Variants in AFAP1L1 observed in about 807,000 individuals in gnomAD.
AFAP1L1 encodes the protein actin filament-associated protein 1-like 1.
In AFAP1L1, 77 loss-of-function variants were observed where a neutral mutation model predicts 99.8. That is an observed-to-expected ratio of 0.77 (90% CI 0.64 to 0.93). The LOEUF (loss-of-function observed/expected upper bound fraction) is 0.93. AFAP1L1 is among the 40% of genes least tolerant of loss of function. The pLI is 0.00. For synonymous variants in AFAP1L1, 373 were observed against 395.3 expected (o/e 0.94, Z 0.67); for missense variants, 893 against 996.8 (o/e 0.90, Z 1.40).
chr5:149,334,432 G>C (rs1157423154), intron 17 of AFAP1L1, among the ~76,000 whole-genome samples: 1 of 152,160 alleles, frequency 6.6e-6, no homozygotes. Flanking sequence ...CTGGGTTTTG[G>C]ATCCTTTTAA....
At chr5:149,304,857 G>A (rs1025371094) in intron 5 of AFAP1L1, among the ~76,000 whole-genome samples, 3 of 152,208 alleles carry the variant, frequency 2.0e-5, no homozygotes, top group African/African-American at 4.8e-5. Flanking sequence ...CAGTGCTGCC[G>A]TCTTCAGGAA....
chr5:149,295,093 T>A (rs2127592759), intron 1 of AFAP1L1, among the ~76,000 whole-genome samples: 1 of 152,330 alleles, frequency 6.6e-6, no homozygotes, highest in African/African-American at 2.4e-5. Flanking sequence ...CTTTGCCCCA[T>A]GGTTCCCCTC....
intron 6 of AFAP1L1, among the ~76,000 whole-genome samples, chr5:149,306,961 G>C (rs1756434060): frequency 6.6e-6 from 1 of 152,096 alleles, no homozygotes; most frequent in African/African-American, 2.4e-5. Context: ...CAAAAGTAGG[G>C]GCCAGCCAGG....
chr5:149,302,713 G>A, intron 5 of AFAP1L1, 187 bp downstream of exon 5: 1 of 505,960 alleles, frequency 2.0e-6, no homozygotes, highest in South Asian at 3.2e-5. Flanking sequence ...GGACCAATAT[G>A]TGGGGCCCCA....
At chr5:149,308,225 T>G (rs182071590) in intron 7 of AFAP1L1, among the ~76,000 whole-genome samples, 7 of 152,346 alleles carry the variant, frequency 4.6e-5, no homozygotes, top group Admixed American at 4.6e-4. Flanking sequence ...TTAATCACTT[T>G]TAAATTTTTG....
intron 14 of AFAP1L1, among the ~76,000 whole-genome samples, chr5:149,321,693 A>C (rs942855611): frequency 7.2e-6 from 1 of 139,588 alleles, no homozygotes; most frequent in East Asian, 2.1e-4. Flanking sequence ...ACTGAACTCC[A>C]GCCTGGGCAA....
In AFAP1L1 at chr5:149,274,849, C is replaced by T. The variant is rs561904314; in HGVS notation, c.16+2865C>T. Among the ~76,000 whole-genome samples, 10 of 149,110 alleles carry T rather than the reference C, an allele frequency of 6.7e-5. No individual in the cohort carries two copies. The South Asian group carries it at 2.1e-3, about 32-fold the overall frequency. ...GCAGTGAGCCGAGATCGAGCCATTG[C>T]ACTCCAGCCTGGGCGACACAGCAAG... is the stretch of plus-strand genomic sequence containing the variant. On this transcript the variant is annotated intron_variant, in intron 1 of 18. Coordinates refer to ENST00000296721, the MANE Select transcript of AFAP1L1 (RefSeq NM_152406.4).
At chr5:149,289,324 C>T (rs1250383302) in intron 1 of AFAP1L1, among the ~76,000 whole-genome samples, 1 of 152,152 alleles carries the variant, frequency 6.6e-6, no homozygotes, top group African/African-American at 2.4e-5. Context: ...ATTCAGTTTC[C>T]TGCAATCGCT....
intron 1 of AFAP1L1, among the ~76,000 whole-genome samples, chr5:149,275,977 G>A (rs533249768): frequency 6.6e-6 from 1 of 152,192 alleles, no homozygotes; most frequent in East Asian, 1.9e-4. Context: ...ATAACAACAA[G>A]CTTAGGTCAC....
intron 1 of AFAP1L1, among the ~76,000 whole-genome samples, chr5:149,280,195 C>T (rs1218007410): frequency 1.3e-5 from 2 of 152,224 alleles, no homozygotes; most frequent in African/African-American, 4.8e-5. Flanking sequence ...CATCATTATC[C>T]ATCATTTCCT....
intron 1 of AFAP1L1, among the ~76,000 whole-genome samples, chr5:149,272,462 G>C (rs1052572971): frequency 6.6e-6 from 1 of 152,154 alleles, no homozygotes; most frequent in Non-Finnish European, 1.5e-5. Flanking sequence ...GTGCATGCAT[G>C]TGTGCGCCAG....
chr5:149,278,228 AT>A (rs1354413500), intron 1 of AFAP1L1, among the ~76,000 whole-genome samples: 1 of 151,972 alleles, frequency 6.6e-6, no homozygotes, highest in Non-Finnish European at 1.5e-5. Context: ...AAACCCCAGC[AT>A]TTTCCTCCTT....
intron 15 of AFAP1L1, among the ~76,000 whole-genome samples, chr5:149,323,260 A>G (rs992527359): frequency 1.3e-5 from 2 of 152,174 alleles, no homozygotes; most frequent in Non-Finnish European, 2.9e-5. Context: ...CTATCCAAAT[A>G]CCCTGGAGCC....
At chr5:149,335,844 A>G in intron 18 of AFAP1L1, 122 bp downstream of exon 18, 1 of 1,342,386 alleles carries the variant, frequency 7.4e-7, no homozygotes, top group Non-Finnish European at 1.0e-6. Context: ...GCATTTATAC[A>G]ATGAAACTCA....
At chr5:149,334,540 A>G (rs1393035119) in intron 17 of AFAP1L1, among the ~76,000 whole-genome samples, 5 of 152,372 alleles carry the variant, frequency 3.3e-5, no homozygotes, top group African/African-American at 1.2e-4. Flanking sequence ...AGATATTAAT[A>G]CTAAGCAATT....
intron 9 of AFAP1L1, chr5:149,315,613 G>A (rs1440317665): frequency 3.6e-6 from 2 of 555,910 alleles, no homozygotes; most frequent in East Asian, 6.2e-5. Flanking sequence ...CAAATGGACT[G>A]TGAATTGCCC....
rs369192811 is a variant in AFAP1L1 at position 149,329,891 on chromosome 5, A to G, written c.1975+61A>G. 73 of 1,449,314 alleles carry G rather than the reference A, an allele frequency of 5.0e-5. 1 individual carries two copies. In the African/African-American group the frequency reaches 8.7e-4, roughly 17 times the overall value. 89.8% of individuals were successfully genotyped at this position (1,449,314 alleles called of 1,614,324 possible). A position where few individuals can be genotyped will look rare whatever the true frequency, so the allele number is the denominator to read the frequency against. ...TGGCCAGCTCATCCTTGGGTACAGT[A>G]AAGGGAGGTCTCTTGCACAAGTCAC... On this transcript the variant is annotated intron_variant, in intron 16 of 18. Coordinates refer to ENST00000296721, the MANE Select transcript of AFAP1L1 (RefSeq NM_152406.4).
intron 7 of AFAP1L1, among the ~76,000 whole-genome samples, chr5:149,309,083 C>T (rs1756527741): frequency 6.6e-6 from 1 of 152,026 alleles, no homozygotes; most frequent in African/African-American, 2.4e-5. Flanking sequence ...TGCACTCCAG[C>T]GTGGGTGATA....
intron 15 of AFAP1L1, 125 bp from the exon 16 acceptor site, chr5:149,329,541 G>A: frequency 1.0e-6 from 1 of 988,226 alleles, no homozygotes; most frequent in Non-Finnish European, 1.5e-6. Flanking sequence ...ATATCTAAGG[G>A]ACTAGGTCTA....
Sources: allele counts gnomAD v4.1 joint callset (sites outside exome capture counted in the v4.1 genomes callset), GRCh38; gene constraint gnomAD v4.1.1; transcripts MANE v1.5; gene names NCBI Gene and HGNC (gene_info 2026-07-23, HGNC 2026-07-21).